CNOT2: variants seen among roughly 807,000 people sequenced by gnomAD.
The protein encoded by CNOT2 is CC chemokine receptor 4-negative regulator of transcription 2.
A neutral mutation model predicts 72.1 loss-of-function variants in CNOT2; 7 were observed. The ratio of observed to expected loss-of-function variants is 0.10; its 90% CI spans 0.06 to 0.18. The LOEUF (loss-of-function observed/expected upper bound fraction) is 0.18. Ranked by LOEUF, CNOT2 falls within the 10% of genes least tolerant of loss-of-function variation. CNOT2 has a pLI of 1.00. For synonymous variants in CNOT2, 196 were observed against 225.6 expected (o/e 0.87, Z 1.17); for missense variants, 345 against 660.3 (o/e 0.52, Z 5.23).
At chr12:70,281,305 G>A (rs569474724) in intron 2 of CNOT2, among the ~76,000 whole-genome samples, 38 of 152,006 alleles carry the variant, frequency 2.5e-4, no homozygotes, top group African/African-American at 8.7e-4. Flanking sequence ...GGCTGGCCTC[G>A]AACTCCTGAC....
intron 1 of CNOT2, among the ~76,000 whole-genome samples, chr12:70,251,318 T>C (rs1958133496): frequency 6.6e-6 from 1 of 152,080 alleles, no homozygotes; most frequent in African/African-American, 2.4e-5. Context: ...GAGCTCTGGG[T>C]TCTGAAGGGT....
At chr12:70,267,786 G>A (rs1292793276) in intron 1 of CNOT2, among the ~76,000 whole-genome samples, 1 of 152,258 alleles carries the variant, frequency 6.6e-6, no homozygotes, top group Non-Finnish European at 1.5e-5. Flanking sequence ...GTCTATCACA[G>A]GGATTGCAAA....
At chr12:70,328,138 G>C (rs901271778) in intron 4 of CNOT2, among the ~76,000 whole-genome samples, 3 of 151,810 alleles carry the variant, frequency 2.0e-5, no homozygotes, top group Non-Finnish European at 4.4e-5. Flanking sequence ...TATATACATG[G>C]AATATATTAG....
chr12:70,260,245 T>C (rs1460078070), intron 1 of CNOT2, among the ~76,000 whole-genome samples: 2 of 152,136 alleles, frequency 1.3e-5, no homozygotes, highest in Admixed American at 6.5e-5. Flanking sequence ...TGTCTTTCTA[T>C]TTATATAGTT....
chr12:70,325,320 A>G (rs539795006), intron 4 of CNOT2, among the ~76,000 whole-genome samples: 1 of 151,996 alleles, frequency 6.6e-6, no homozygotes, highest in South Asian at 2.1e-4. Context: ...ACCCATGGAA[A>G]CACCTGGGGA....
intron 2 of CNOT2, among the ~76,000 whole-genome samples, chr12:70,284,216 G>A (rs1870452637): frequency 6.6e-6 from 1 of 151,216 alleles, no homozygotes; most frequent in Non-Finnish European, 1.5e-5. Flanking sequence ...AATGTGCTGG[G>A]ATTATAGGTG....
In CNOT2 at chr12:70,338,533, C is replaced by G. The variant is rs1881009059; in HGVS notation, c.991C>G (p.Gln331Glu). ...TTCAACAACACAAAATAATAACCAG[C>G]AGAAAAAAGGGATCCAGGTGTTACC... ...KSSTTQNNNQQKKGIQVLPDG... is the reference protein window; with the variant it reads ...KSSTTQNNNQEKKGIQVLPDG... Residue 331 changes from glutamine (Q) to glutamate (E), a missense_variant, in exon 10 of 16, where the codon CAG (glutamine) becomes GAG (glutamate). Gln to Glu is a conservative substitution (Grantham distance 29). This residue lies in a region of CNOT2 where 128 missense variants were observed against 233.0 expected (regional missense o/e 0.55). Transcript: ENST00000229195. 2 of 1,612,340 alleles carry G rather than the reference C, an allele frequency of 1.2e-6. No individual in the cohort carries two copies. Among genetic ancestry groups the G allele is most frequent in the Non-Finnish European group, 1.7e-6 (2 of 1,179,234 alleles).
At chr12:70,281,597 G>A (rs556286498) in intron 2 of CNOT2, among the ~76,000 whole-genome samples, 2 of 152,244 alleles carry the variant, frequency 1.3e-5, no homozygotes, top group East Asian at 1.9e-4. Context: ...TTATTTTCAT[G>A]TAATGCCTCA....
At position 70,296,945 on chromosome 12, in the gene CNOT2, A is replaced by G. The variant is rs116310891; in HGVS notation, c.49-13950A>G. ...TTTGATATACGAATATTCTACTTCC[A>G]TAGAATTTGGGCAGTCTGTGAGATT... On this transcript the variant is annotated intron_variant, in intron 2 of 15. Coordinates refer to ENST00000229195, the MANE Select transcript of CNOT2 (RefSeq NM_014515.7). 2.9e-3 allele frequency among the ~76,000 whole-genome samples: 435 copies of G among 152,294 alleles called. 4 individuals carry two copies. The highest frequency in any genetic ancestry group is 0.01 in the African/African-American group (422 of 41,558).
chr12:70,338,049 T>C (rs1880936824), intron 9 of CNOT2: 1 of 221,946 alleles, frequency 4.5e-6, no homozygotes. Flanking sequence ...GTCTAACTTA[T>C]CTTCAAGGTA....
rs749220440 is a variant in CNOT2, at chr12:70,342,187, G to A, written c.1240+19G>A. 1 of 1,612,138 alleles carries A rather than the reference G, an allele frequency of 6.2e-7. No homozygotes were observed. The highest frequency in any genetic ancestry group is 1.1e-5 in the South Asian group (1 of 91,030). On this transcript the variant is annotated intron_variant, in intron 12 of 15. Coordinates refer to ENST00000229195, the MANE Select transcript of CNOT2 (RefSeq NM_014515.7). ...GACATAGGTAGGAGAATCTATTTGTGTTTAGACCTTTTAAAAAGAAATTTA... is the reference window on the plus strand; with the variant it reads ...GACATAGGTAGGAGAATCTATTTGTATTTAGACCTTTTAAAAAGAAATTTA...
chr12:70,345,401 G>T (rs991251494), intron 14 of CNOT2: 1 of 151,890 alleles, frequency 6.6e-6, no homozygotes, highest in Admixed American at 6.6e-5. Flanking sequence ...CCTTTTAATT[G>T]TTCATAAGTA....
At chr12:70,247,819 A>G (rs903844527) in intron 1 of CNOT2, among the ~76,000 whole-genome samples, 3 of 152,194 alleles carry the variant, frequency 2.0e-5, no homozygotes, top group Admixed American at 6.5e-5. Flanking sequence ...CTAGATTGTC[A>G]TTTGACAGTG....
intron 2 of CNOT2, among the ~76,000 whole-genome samples, chr12:70,304,892 C>T (rs1251509966): frequency 6.6e-6 from 1 of 152,198 alleles, no homozygotes; most frequent in East Asian, 1.9e-4. Flanking sequence ...CCTCCCCCAG[C>T]CTGGCTGCTG....
chr12:70,263,249 A>G (rs1220953798), intron 1 of CNOT2, among the ~76,000 whole-genome samples: 1 of 151,952 alleles, frequency 6.6e-6, no homozygotes, highest in Non-Finnish European at 1.5e-5. Context: ...TTTTTCTTCA[A>G]TTTCAGAGGT....
At position 70,339,400 on chromosome 12, in the gene CNOT2, T is replaced by C. The variant is rs1356617596; in HGVS notation, c.1178+578T>C. Among the ~76,000 whole-genome samples the C allele has an allele frequency of 5.9e-5, 9 of 152,250 alleles. No homozygotes were observed. The East Asian group carries it at 1.7e-3, about 29-fold the overall frequency. On this transcript the variant is annotated intron_variant, in intron 11 of 15. Coordinates refer to ENST00000229195, the MANE Select transcript of CNOT2 (RefSeq NM_014515.7). ...CTGTTCTTCCAGATCCCCGTCTCTT[T>C]TCCCCTGTGATCAACTCCCTTCTTA...
At position 70,328,742 on chromosome 12, in the gene CNOT2, T is replaced by C. The variant is rs150133140; in HGVS notation, c.239-681T>C. On this transcript the variant is annotated intron_variant, in intron 4 of 15. Transcript: ENST00000229195. ...TTAAAAAAAAAAAAACCTATTAGAA[T>C]GTATAGTCCATCCCCACACCTGGCT... is the stretch of plus-strand genomic sequence containing the variant. 3.4e-3 allele frequency among the ~76,000 whole-genome samples: 521 copies of C among 151,374 alleles called. 1 individual carries two copies. Among genetic ancestry groups the C allele is most frequent in the African/African-American group, 0.012 (501 of 41,400 alleles).
intron 3 of CNOT2, among the ~76,000 whole-genome samples, chr12:70,311,475 T>C (rs1282983224): frequency 2.0e-5 from 3 of 151,966 alleles, no homozygotes; most frequent in Non-Finnish European, 4.4e-5. Flanking sequence ...GTATCTCTCC[T>C]CTGTTCAGCC....
intron 15 of CNOT2, among the ~76,000 whole-genome samples, chr12:70,352,898 T>C (rs1032613479): frequency 6.6e-6 from 1 of 152,148 alleles, no homozygotes; most frequent in Non-Finnish European, 1.5e-5. Flanking sequence ...TAAAGTGAGC[T>C]GCTATCTAGT....
Sources: allele counts gnomAD v4.1 joint callset (sites outside exome capture counted in the v4.1 genomes callset), GRCh38; gene constraint gnomAD v4.1.1; regional missense constraint gnomAD v4.1.1; transcripts MANE v1.5; gene names NCBI Gene and HGNC (gene_info 2026-07-23, HGNC 2026-07-21).